MAP2K5: variants seen among roughly 807,000 people sequenced by gnomAD.
MAP2K5 encodes mitogen-activated protein kinase kinase 5, also known as dual specificity mitogen-activated protein kinase kinase 5.
In MAP2K5, 49 loss-of-function variants were observed where a neutral mutation model predicts 83.1. The observed-to-expected ratio is 0.59, with a 90% CI of 0.47 to 0.75. The LOEUF (loss-of-function observed/expected upper bound fraction) is 0.75. Ranked by LOEUF, MAP2K5 falls within the 30% of genes least tolerant of loss-of-function variation. The pLI, the probability that MAP2K5 is intolerant of heterozygous loss-of-function variation, is 0.00. For missense variants in MAP2K5, 457 were observed against 557.5 expected, an observed-to-expected ratio of 0.82 and a Z score of 1.82; for synonymous variants, 202 against 191.8, an observed-to-expected ratio of 1.05 and a Z score of -0.44.
At position 67,555,027 on chromosome 15, in the gene MAP2K5, G is replaced by C. The variant is rs892921167; in HGVS notation, c.184+4945G>C. 2.0e-5 allele frequency among the ~76,000 whole-genome samples: 3 copies of C among 152,118 alleles called. No individual in the cohort carries two copies. The highest frequency in any genetic ancestry group is 7.2e-5 in the African/African-American group (3 of 41,420). ...CTTTCTGATTTCTTTTTCTGGGTGT[G>C]GTGTTTCCAAGGGGAGTTAGGGCTG... On this transcript the variant is annotated intron_variant, in intron 2 of 21. Transcript: ENST00000178640. The surrounding 1 kb of genome is among the most constrained non-coding windows in gnomAD (Gnocchi z 5.2).
At chr15:67,725,574 C>T (rs557514160) in intron 16 of MAP2K5, among the ~76,000 whole-genome samples, 1 of 152,286 alleles carries the variant, frequency 6.6e-6, no homozygotes, top group South Asian at 2.1e-4. Flanking sequence ...TGAGCATATA[C>T]CCAAGTGAAT....
intron 2 of MAP2K5, among the ~76,000 whole-genome samples, chr15:67,558,815 A>G (rs1431374307): frequency 2.0e-5 from 3 of 152,090 alleles, no homozygotes; most frequent in Non-Finnish European, 4.4e-5. Flanking sequence ...CACCTCCTTC[A>G]GTCTCTTTCC....
chr15:67,718,300 G>A (rs1302922049), intron 16 of MAP2K5: 1 of 152,226 alleles, frequency 6.6e-6, no homozygotes, highest in Non-Finnish European at 1.5e-5. Context: ...AGGTCTCTAA[G>A]AGACCATTGT....
chr15:67,752,783 C>T (rs1176745456), intron 19 of MAP2K5, among the ~76,000 whole-genome samples: 1 of 151,350 alleles, frequency 6.6e-6, no homozygotes, highest in African/African-American at 2.4e-5. Context: ...AATTGATCTA[C>T]AGATTCAATG....
intron 12 of MAP2K5, among the ~76,000 whole-genome samples, chr15:67,663,137 T>A (rs578002096): frequency 6.6e-6 from 1 of 152,342 alleles, no homozygotes; most frequent in South Asian, 2.1e-4. Context: ...TCCCCAAATA[T>A]GTTAGGTATC....
rs142110071 is a variant in MAP2K5, at chr15:67,614,341, G to A, written c.545+13592G>A. On this transcript the variant is annotated intron_variant, in intron 8 of 21. Transcript: ENST00000178640. ...GAATATTAATTATTAGAATAAGGAG[G>A]TTTTCTGAAGTAGCCATTTATGTAT... Among the ~76,000 whole-genome samples the A allele has an allele frequency of 8.4e-3, 1,273 of 152,248 alleles. 41 individuals carry two copies. Among genetic ancestry groups the A allele is most frequent in the Admixed American group, 0.062 (950 of 15,296 alleles).
intron 6 of MAP2K5, among the ~76,000 whole-genome samples, chr15:67,588,774 C>T (rs2085336641): frequency 6.6e-6 from 1 of 152,162 alleles, no homozygotes; most frequent in Non-Finnish European, 1.5e-5. Flanking sequence ...AGGTGTTGTA[C>T]TCAAGTTACA....
Position 67,748,020 on chromosome 15 carries a change from A to G in MAP2K5, c.1075-211A>G, listed in dbSNP as rs1325781657. On this transcript the variant is annotated intron_variant, in intron 17 of 21. Coordinates refer to ENST00000178640, the MANE Select transcript of MAP2K5 (RefSeq NM_145160.3). This position sits in a 1 kb window ranked among gnomAD's most constrained non-coding sequence, Gnocchi z 4.0. Reference sequence around the variant, plus strand: ...TTCTAATACAACCTGGAGGGTACTAAAAAGTGTTGTGTGAAATTAACATTC... The same window carrying G: ...TTCTAATACAACCTGGAGGGTACTAGAAAGTGTTGTGTGAAATTAACATTC... Among the ~76,000 whole-genome samples, 4 of 152,226 alleles carry G rather than the reference A, an allele frequency of 2.6e-5. No individual in the cohort carries two copies. The highest frequency in any genetic ancestry group is 9.6e-5 in the African/African-American group (4 of 41,454).
rs2084603787 is a variant in MAP2K5 at position 67,555,359 on chromosome 15, G to T, written c.184+5277G>T. ...AACAGAGTGAGAACCCACTACCATA[G>T]AGAGGGCACTGAGTCATTCATGGGG... On this transcript the variant is annotated intron_variant, in intron 2 of 21. Transcript: ENST00000178640. The surrounding 1 kb of genome is among the most constrained non-coding windows in gnomAD (Gnocchi z 5.2). 6.6e-6 allele frequency among the ~76,000 whole-genome samples: 1 copy of T among 152,136 alleles called. No homozygotes were observed. Among genetic ancestry groups the T allele is most frequent in the South Asian group, 2.1e-4 (1 of 4,828 alleles).
At position 67,750,466 on chromosome 15, in the gene MAP2K5, A is replaced by C. The variant is rs2089693738; in HGVS notation, c.1134+1865A>C. ...ATTGGTGGGGTCCTGTACTTACTGC[A>C]CTTGTCCTATGTGTCTGTCAGAGTT... On this transcript the variant is annotated intron_variant, in intron 19 of 21. Transcript: ENST00000178640. The surrounding 1 kb of genome is among the most constrained non-coding windows in gnomAD (Gnocchi z 4.2). 6.6e-6 allele frequency among the ~76,000 whole-genome samples: 1 copy of C among 152,220 alleles called. No individual in the cohort carries two copies.
intron 19 of MAP2K5, among the ~76,000 whole-genome samples, chr15:67,751,905 A>T (rs971183072): frequency 6.6e-6 from 1 of 152,204 alleles, no homozygotes; most frequent in Non-Finnish European, 1.5e-5. Flanking sequence ...CCCCCAGGCT[A>T]ACATGCCTTA....
At chr15:67,633,017 A>T (rs756328777) in intron 9 of MAP2K5, among the ~76,000 whole-genome samples, 1 of 152,238 alleles carries the variant, frequency 6.6e-6, no homozygotes, top group Non-Finnish European at 1.5e-5. Flanking sequence ...GAACTGGAAG[A>T]GACCTTGGAG....
chr15:67,660,256 G>T (rs1354753052), intron 12 of MAP2K5, among the ~76,000 whole-genome samples: 3 of 151,630 alleles, frequency 2.0e-5, no homozygotes, highest in Non-Finnish European at 4.4e-5. Flanking sequence ...CAGGAGCCTG[G>T]GTTTGTATAA....
intron 8 of MAP2K5, among the ~76,000 whole-genome samples, chr15:67,622,530 AT>A (rs202246966): frequency 0.023 from 3,352 of 148,070 alleles, 76 homozygotes; most frequent in African/African-American, 0.056. Context: ...ATGCATGTGG[AT>A]TTTTTTTTTT....
At chr15:67,548,913 G>GGAA in intron 1 of MAP2K5, 2 of 589,542 alleles carry the variant, frequency 3.4e-6, no homozygotes, top group Non-Finnish European at 2.5e-6. Context: ...ATTTATTTTT[G>GGAA]AAAAAAAAAA....
intron 16 of MAP2K5, among the ~76,000 whole-genome samples, chr15:67,715,303 G>C (rs1294768147): frequency 2.0e-5 from 3 of 152,100 alleles, no homozygotes; most frequent in African/African-American, 7.2e-5. Flanking sequence ...TTTGGCAGAT[G>C]ATGGATTGAC....
rs186969182 is a variant in MAP2K5, at chr15:67,647,433, A to G, written c.736+964A>G. Among the ~76,000 whole-genome samples the G allele has an allele frequency of 1.2e-4, 18 of 152,242 alleles. No homozygotes were observed. In the East Asian group the frequency reaches 2.3e-3, roughly 20 times the overall value. The stretch of plus-strand genomic sequence containing the variant: ...TATCATTCTTTCTTTGAAGTCTTCA[A>G]TTTTTCAGTTCTACTCAAACATTTT... On this transcript the variant is annotated intron_variant, in intron 11 of 21. Transcript: ENST00000178640.
At chr15:67,663,996 G>T (rs1441671694) in intron 12 of MAP2K5, among the ~76,000 whole-genome samples, 1 of 152,110 alleles carries the variant, frequency 6.6e-6, no homozygotes, top group Non-Finnish European at 1.5e-5. Context: ...CCCTGGCTTA[G>T]CATCATTATG....
Position 67,778,597 on chromosome 15 carries a change from T to C in MAP2K5, c.1242+5845T>C, listed in dbSNP as rs2090276130. 6.6e-6 allele frequency among the ~76,000 whole-genome samples: 1 copy of C among 152,106 alleles called. No homozygotes were observed. The highest frequency in any genetic ancestry group is 6.5e-5 in the Admixed American group (1 of 15,272). On this transcript the variant is annotated intron_variant, in intron 21 of 21. Coordinates refer to ENST00000178640, the MANE Select transcript of MAP2K5 (RefSeq NM_145160.3). The surrounding 1 kb of genome is among the most constrained non-coding windows in gnomAD (Gnocchi z 5.0). ...GGTAAACAAGGGGGTCACCAGCAAG[T>C]CTTAGAGAAGTCACGAGGAAAGATG...
Sources: allele counts gnomAD v4.1 joint callset (sites outside exome capture counted in the v4.1 genomes callset), GRCh38; gene constraint gnomAD v4.1.1; non-coding constraint Gnocchi (gnomAD v3.1); transcripts MANE v1.5; gene names NCBI Gene and HGNC (gene_info 2026-07-23, HGNC 2026-07-21).